The following ANXA8 variants were observed in gnomAD, a reference collection of about 807,000 sequenced individuals.
ANXA8 encodes the protein annexin A8, also known as VAC-beta.
In ANXA8, 9 loss-of-function variants were observed where a neutral mutation model predicts 26.8. The observed-to-expected ratio is 0.34, with a 90% confidence interval of 0.20 to 0.59. The LOEUF (loss-of-function observed/expected upper bound fraction) is 0.59. ANXA8 is among the 20% of genes least tolerant of loss of function. ANXA8 has a pLI of 0.84. For synonymous variants in ANXA8, 39 were observed against 94.8 expected (o/e 0.41, Z 3.42); for missense variants, 83 against 238.5 (o/e 0.35, Z 4.29).
the ANXA8 span, among the ~76,000 whole-genome samples, chr10:47,536,424 C>T: frequency 1.0e-3 from 70 of 68,422 alleles, no homozygotes; most frequent in Non-Finnish European, 1.5e-3. Context: ...ATGAAGGTAG[C>T]CTTTCCACCA....
chr10:47,631,283 T>C, the ANXA8 span, among the ~76,000 whole-genome samples: 57 of 151,734 alleles, frequency 3.8e-4, no homozygotes, highest in African/African-American at 1.3e-3. Flanking sequence ...TTTTCTCTTC[T>C]TTTTAATTCT....
the ANXA8 span, among the ~76,000 whole-genome samples, chr10:47,516,714 C>A: frequency 1.5e-5 from 2 of 133,332 alleles, 1 homozygote; most frequent in Non-Finnish European, 3.1e-5. Context: ...CCCCCACACA[C>A]ACATAAAAAG....
chr10:47,648,819 G>C, the ANXA8 span, among the ~76,000 whole-genome samples: 1 of 51,200 alleles, frequency 2.0e-5, no homozygotes, highest in South Asian at 5.8e-4. Context: ...ACAGAAAAGA[G>C]GAAGTTACAA....
chr10:47,506,399 C>T, the ANXA8 span, among the ~76,000 whole-genome samples: 18 of 140,110 alleles, frequency 1.3e-4, no homozygotes, highest in South Asian at 1.6e-3. Context: ...GGCAAGATCT[C>T]GGCTCACTGC....
chr10:47,694,416 CCTTT>C, the ANXA8 span, among the ~76,000 whole-genome samples: 25 of 132,148 alleles, frequency 1.9e-4, no homozygotes, highest in African/African-American at 7.7e-4. Context: ...CAGAAATCTT[CCTTT>C]TTTTTTTTTT....
chr10:47,483,176 C>G (rs1465768307), intron 1 of ANXA8, among the ~76,000 whole-genome samples: 1 of 151,362 alleles, frequency 6.6e-6, no homozygotes, highest in African/African-American at 2.4e-5. Flanking sequence ...GCCCTGAGCC[C>G]CGGGTTCCTC....
chr10:47,987,015 G>T, the ANXA8 span: 62 of 545,830 alleles, frequency 1.1e-4, no homozygotes, highest in African/African-American at 9.6e-4. Flanking sequence ...CACAGCCCGG[G>T]GAAAGGGGCC....
the ANXA8 span, among the ~76,000 whole-genome samples, chr10:47,521,931 C>A: frequency 6.7e-6 from 1 of 150,236 alleles, no homozygotes; most frequent in Admixed American, 6.6e-5. Flanking sequence ...CAGTCATGCG[C>A]CACTACGCCC....
At chr10:47,702,301 C>CT in the ANXA8 span, among the ~76,000 whole-genome samples, 5 of 151,232 alleles carry the variant, frequency 3.3e-5, no homozygotes, top group Non-Finnish European at 7.4e-5. Context: ...ATGAGCATAC[C>CT]TGGTGCCCAG....
At chr10:47,676,067 C>T in the ANXA8 span, among the ~76,000 whole-genome samples, 12 of 151,556 alleles carry the variant, frequency 7.9e-5, no homozygotes, top group Admixed American at 7.9e-4. Flanking sequence ...GAATTCATTA[C>T]ATGGGCTTAA....
chr10:47,469,901 C>G (rs1159622328), intron 11 of ANXA8, among the ~76,000 whole-genome samples: 1 of 151,360 alleles, frequency 6.6e-6, no homozygotes, highest in East Asian at 1.9e-4. Context: ...CCTTTCTAGA[C>G]ACGATCTCAC....
chr10:47,607,936 T>C, the ANXA8 span, among the ~76,000 whole-genome samples: 15 of 133,342 alleles, frequency 1.1e-4, no homozygotes, highest in Non-Finnish European at 1.7e-4. Context: ...ATGAAAACTG[T>C]TTAATCTGTA....
the ANXA8 span, among the ~76,000 whole-genome samples, chr10:47,748,087 A>G: frequency 6.6e-6 from 1 of 152,138 alleles, no homozygotes; most frequent in African/African-American, 2.4e-5. Context: ...GAAGGGAGGA[A>G]GATGGGGCAG....
chr10:47,684,730 T>C, the ANXA8 span, among the ~76,000 whole-genome samples: 1 of 151,486 alleles, frequency 6.6e-6, no homozygotes, highest in African/African-American at 2.4e-5. Flanking sequence ...GGATTACAGG[T>C]GTGTGCCACC....
chr10:47,510,127 T>C, the ANXA8 span: 1 of 1,214,544 alleles, frequency 8.2e-7, no homozygotes, highest in Non-Finnish European at 1.1e-6. Context: ...TGAAATAATT[T>C]CCGAATAAAG....
At chr10:47,649,639 C>A in the ANXA8 span, among the ~76,000 whole-genome samples, 1 of 151,426 alleles carries the variant, frequency 6.6e-6, no homozygotes, top group Non-Finnish European at 1.5e-5. Context: ...GAACTCCTGA[C>A]CTCGTGATCT....
At chr10:47,496,024 C>T in the ANXA8 span, among the ~76,000 whole-genome samples, 1 of 151,510 alleles carries the variant, frequency 6.6e-6, no homozygotes, top group Non-Finnish European at 1.5e-5. Context: ...GGGCTGAGTC[C>T]CTGGAGGCTG....
the ANXA8 span, among the ~76,000 whole-genome samples, chr10:47,639,308 A>AT: frequency 5.2e-5 from 3 of 57,362 alleles, no homozygotes; most frequent in African/African-American, 1.3e-4. Flanking sequence ...AATTATTATT[A>AT]TTATTATTTT....
the ANXA8 span, among the ~76,000 whole-genome samples, chr10:47,680,472 T>C: frequency 2.6e-5 from 4 of 151,710 alleles, no homozygotes; most frequent in African/African-American, 9.7e-5. Flanking sequence ...CCATCTCTAC[T>C]AAAAATACAA....
Sources: gnomAD v4.1 joint callset for allele counts (sites outside exome capture counted in the v4.1 genomes callset) on GRCh38, gnomAD v4.1.1 for gene constraint, MANE v1.5 for transcripts, NCBI Gene and HGNC (gene_info 2026-07-23, HGNC 2026-07-21) for gene names.